The following BRAF variants were observed in gnomAD, a reference collection of about 807,000 sequenced individuals.
The protein encoded by BRAF is B-Raf proto-oncogene, serine/threonine kinase.
Under a neutral mutation model 104.6 loss-of-function variants are expected in BRAF, and 16 were observed. The ratio of observed to expected loss-of-function variants is 0.15; its 90% CI spans 0.10 to 0.23. The LOEUF (loss-of-function observed/expected upper bound fraction) is 0.23, where lower values mean the gene tolerates loss of function less well. BRAF is among the 10% of genes least tolerant of loss of function. BRAF has a pLI of 1.00. For synonymous variants in BRAF, 310 were observed against 341.6 expected, an observed-to-expected ratio of 0.91 and a Z score of 1.02; for missense variants, 541 against 937.3, an observed-to-expected ratio of 0.58 and a Z score of 5.52.
chr7:140,729,707 G>A (rs1795828277), intron 19 of BRAF, among the ~76,000 whole-genome samples: 1 of 152,122 alleles, frequency 6.6e-6, no homozygotes, highest in African/African-American at 2.4e-5. Context: ...GAACCCGGGA[G>A]GCAGAGGCTG....
rs1797946736 is a variant in BRAF at position 140,753,402 on chromosome 7, T to C, written c.1862-9A>G. ...TTCATGAAGAAATATATCTGAGGTGTAGTAAGTAAAGGAAAACAGTAGATC... is the reference window on the plus strand; with the variant it reads ...TTCATGAAGAAATATATCTGAGGTGCAGTAAGTAAAGGAAAACAGTAGATC... On this transcript the variant is annotated splice_polypyrimidine_tract_variant and intron_variant, in intron 15 of 19. Coordinates refer to ENST00000644969, the MANE Select transcript of BRAF (RefSeq NM_001374258.1). The C allele has an allele frequency of 1.3e-6, 2 of 1,549,418 alleles. No homozygotes were observed. Among genetic ancestry groups the C allele is most frequent in the South Asian group, 1.1e-5 (1 of 89,734 alleles).
chr7:140,878,297 G>A (rs1473878200), intron 1 of BRAF, among the ~76,000 whole-genome samples: 1 of 152,044 alleles, frequency 6.6e-6, no homozygotes, highest in African/African-American at 2.4e-5. Context: ...TGATATAGGA[G>A]CTAAAATAAT....
intron 14 of BRAF, among the ~76,000 whole-genome samples, chr7:140,757,426 A>C (rs2129002267): frequency 6.6e-6 from 1 of 152,078 alleles, no homozygotes; most frequent in Non-Finnish European, 1.5e-5. Context: ...AGTAGCTGGG[A>C]CTACAGGCGC....
intron 17 of BRAF, chr7:140,741,134 G>A (rs1796882325): frequency 6.6e-6 from 1 of 152,114 alleles, no homozygotes; most frequent in South Asian, 2.1e-4. Context: ...CAGCAATTCA[G>A]GTATTCTTAC....
At chr7:140,827,315 C>G (rs372602588) in intron 3 of BRAF, among the ~76,000 whole-genome samples, 1 of 152,102 alleles carries the variant, frequency 6.6e-6, no homozygotes, top group Non-Finnish European at 1.5e-5. Flanking sequence ...GAGACCTAGA[C>G]GGGCTGAGGG....
intron 19 of BRAF, chr7:140,733,434 C>T (rs1033373509): frequency 3.9e-5 from 6 of 152,192 alleles, no homozygotes; most frequent in Non-Finnish European, 5.9e-5. Flanking sequence ...GATAGGACCA[C>T]GTGCTGTTGC....
At chr7:140,812,983 T>C (rs764355734) in intron 3 of BRAF, among the ~76,000 whole-genome samples, 15 of 151,800 alleles carry the variant, frequency 9.9e-5, no homozygotes, top group Non-Finnish European at 2.1e-4. Context: ...AATCTTCAAA[T>C]GAAAAAGGCT....
chr7:140,770,269 T>C (rs1799712223), intron 14 of BRAF, among the ~76,000 whole-genome samples: 1 of 152,208 alleles, frequency 6.6e-6, no homozygotes, highest in African/African-American at 2.4e-5. Context: ...CACCATTTTT[T>C]CAGCTTTAAT....
Position 140,725,677 on chromosome 7 carries a change from G to C in BRAF, c.*817C>G, listed in dbSNP as rs1231575366. On this transcript the variant is annotated 3_prime_UTR_variant, in exon 20 of 20. Transcript: ENST00000644969. Reference sequence around the variant, plus strand: ...GAGGAAGATATAAACTGTATTTCCTGAGAATTTGCTACATTGTGGAGGAAA... The same window carrying C: ...GAGGAAGATATAAACTGTATTTCCTCAGAATTTGCTACATTGTGGAGGAAA... The C allele has an allele frequency of 9.5e-7, 1 of 1,057,938 alleles. No homozygotes were observed. The highest frequency in any genetic ancestry group is 5.2e-5 in the East Asian group (1 of 19,360). 65.5% of individuals were successfully genotyped at this position (1,057,938 alleles called of 1,614,324 possible).
At chr7:140,826,965 C>T (rs1051194019) in intron 3 of BRAF, among the ~76,000 whole-genome samples, 1 of 152,160 alleles carries the variant, frequency 6.6e-6, no homozygotes, top group Admixed American at 6.5e-5. Flanking sequence ...AATCCCCAAC[C>T]TTTTTATTGT....
At chr7:140,776,823 C>CA in intron 14 of BRAF, 89 bp downstream of exon 13, 1 of 1,280,456 alleles carries the variant, frequency 7.8e-7, no homozygotes, top group Admixed American at 1.7e-5. Context: ...ATTTAAAATG[C>CA]AATCCAAAAG....
At chr7:140,727,734 C>A (rs993624786) in intron 19 of BRAF, among the ~76,000 whole-genome samples, 1 of 152,098 alleles carries the variant, frequency 6.6e-6, no homozygotes, top group African/African-American at 2.4e-5. Context: ...CATTCTCCTG[C>A]CTCATCCTCC....
In BRAF at chr7:140,720,785, CTT is replaced by C. The variant is rs764106757; in HGVS notation, c.*5707_*5708del. ...ACCAAAACACACGTGGGTTCAAAAA[CTT>C]AACACAAAAATGCAACGCAGTAATT... On this transcript the variant is annotated 3_prime_UTR_variant, in exon 20 of 20. Transcript: ENST00000644969. 10 of 1,066,046 alleles carry C rather than the reference CTT, an allele frequency of 9.4e-6. No homozygotes were observed. Among genetic ancestry groups the C allele is most frequent in the African/African-American group, 1.6e-5 (1 of 61,196 alleles). The allele number at this position is 1,066,046 out of a possible 1,614,324, so 66.0% of individuals were successfully genotyped here.
chr7:140,790,464 C>T (rs181866455), intron 8 of BRAF, among the ~76,000 whole-genome samples: 2 of 152,280 alleles, frequency 1.3e-5, no homozygotes, highest in Admixed American at 1.3e-4. Context: ...AAAACAAAAG[C>T]CATCAAACAA....
At chr7:140,877,912 A>T (rs886730326) in intron 1 of BRAF, among the ~76,000 whole-genome samples, 5 of 152,182 alleles carry the variant, frequency 3.3e-5, no homozygotes, top group Non-Finnish European at 5.9e-5. Context: ...TTCTAAAAAT[A>T]AATCTCTAGT....
chr7:140,855,452 A>C (rs1809667982), intron 1 of BRAF, among the ~76,000 whole-genome samples: 1 of 152,042 alleles, frequency 6.6e-6, no homozygotes, highest in African/African-American at 2.4e-5. Context: ...CTTCTCCAAA[A>C]AAAAGACTGA....
At chr7:140,910,797 C>T (rs114729114) in intron 1 of BRAF, among the ~76,000 whole-genome samples, 1,524 of 152,204 alleles carry the variant, frequency 0.01, 30 homozygotes, top group African/African-American at 0.035. Flanking sequence ...CTCAGCCTCC[C>T]AAGTAGCTGG....
intron 3 of BRAF, among the ~76,000 whole-genome samples, chr7:140,829,266 T>C (rs1047807429): frequency 5.3e-5 from 8 of 151,788 alleles, no homozygotes; most frequent in African/African-American, 1.9e-4. Flanking sequence ...TTTGAGCTAA[T>C]TAAGTTTTGA....
chr7:140,761,250 A>C (rs1472512981), intron 14 of BRAF, among the ~76,000 whole-genome samples: 1 of 152,220 alleles, frequency 6.6e-6, no homozygotes, highest in Non-Finnish European at 1.5e-5. Context: ...TCTTAAAGAA[A>C]ACAATTTTCA....
Sources: gnomAD v4.1 joint callset for allele counts (sites outside exome capture counted in the v4.1 genomes callset) on GRCh38, gnomAD v4.1.1 for gene constraint, MANE v1.5 for transcripts, NCBI Gene and HGNC (gene_info 2026-07-23, HGNC 2026-07-21) for gene names.